The following SORL1 variants were observed in gnomAD, a reference collection of about 807,000 sequenced individuals.
SORL1 encodes the protein sortilin-related receptor.
Under a neutral mutation model 273.7 loss-of-function variants are expected in SORL1, and 127 were observed. That is an observed-to-expected ratio of 0.46 (90% CI 0.40 to 0.54). SORL1 has a LOEUF of 0.54. Ranked by LOEUF, SORL1 falls within the 20% of genes least tolerant of loss-of-function variation. SORL1 has a pLI of 0.00. For missense variants in SORL1, 2,494 were observed against 2,846.1 expected (o/e 0.88, Z 2.81); for synonymous variants, 1,031 against 1,067.4 (o/e 0.97, Z 0.66).
chr11:121,457,440 A>G (rs1401888026), intron 1 of SORL1, among the ~76,000 whole-genome samples: 1 of 152,222 alleles, frequency 6.6e-6, no homozygotes, highest in Non-Finnish European at 1.5e-5. Flanking sequence ...GAAACAGTCT[A>G]TGCATGTACA....
chr11:121,516,011 C>T (rs1219219305), intron 8 of SORL1, among the ~76,000 whole-genome samples: 1 of 152,194 alleles, frequency 6.6e-6, no homozygotes, highest in Non-Finnish European at 1.5e-5. Flanking sequence ...CTGATTTAAC[C>T]TTTCAATTTT....
rs762121343 is a variant in SORL1 at position 121,490,152 on chromosome 11, C to T, written c.758+42C>T. 84 of 1,387,294 alleles carry T rather than the reference C, an allele frequency of 6.1e-5. 1 individual carries two copies. The highest frequency in any genetic ancestry group is 7.5e-5 in the Non-Finnish European group (73 of 973,544). The allele number at this position is 1,387,294 out of a possible 1,614,324, so 85.9% of individuals were successfully genotyped here. On this transcript the variant is annotated intron_variant, in intron 5 of 47. Transcript: ENST00000260197. ...AAGAAATCTTGATATATGTAACCTCCTTTCTCCAGTTCTAGCTCCTTCTTG... is the reference window on the plus strand; with the variant it reads ...AAGAAATCTTGATATATGTAACCTCTTTTCTCCAGTTCTAGCTCCTTCTTG...
chr11:121,602,689 T>C (rs1031479634), intron 32 of SORL1, among the ~76,000 whole-genome samples: 1 of 152,182 alleles, frequency 6.6e-6, no homozygotes, highest in Non-Finnish European at 1.5e-5. Flanking sequence ...GTATGAAGCT[T>C]CCTTGCTCAG....
intron 8 of SORL1, 103 bp downstream of exon 8, chr11:121,514,424 C>G (rs1487695394): frequency 8.3e-7 from 1 of 1,199,428 alleles, no homozygotes; most frequent in Non-Finnish European, 1.1e-6. Context: ...TGTGGATACA[C>G]CCGGGGAGCT....
intron 14 of SORL1, among the ~76,000 whole-genome samples, chr11:121,546,104 A>G (rs748805235): frequency 3.9e-5 from 6 of 152,174 alleles, no homozygotes; most frequent in Admixed American, 1.3e-4. Flanking sequence ...TTTTGAGACC[A>G]TGTGTCTGCA....
Position 121,593,937 on chromosome 11 carries a change from G to A in SORL1, c.4370-1686G>A, listed in dbSNP as rs538665658. ...AAAATGCCTGAGAAAATGTATGTGG[G>A]AGGCCTGTGTGAGGTCTTGCTTGTC... On this transcript the variant is annotated intron_variant, in intron 31 of 47. Coordinates refer to ENST00000260197, the MANE Select transcript of SORL1 (RefSeq NM_003105.6). Among the ~76,000 whole-genome samples, 46 of 152,290 alleles carry A rather than the reference G, an allele frequency of 3.0e-4. 1 individual carries two copies. The South Asian group carries it at 8.3e-3, about 27-fold the overall frequency.
intron 3 of SORL1, among the ~76,000 whole-genome samples, chr11:121,481,454 C>T (rs1399815794): frequency 5.9e-5 from 7 of 119,012 alleles, no homozygotes; most frequent in East Asian, 4.9e-4. Context: ...TATAGGCAGG[C>T]TTCATCTCCT....
chr11:121,461,466 G>C (rs1861000000), intron 1 of SORL1, among the ~76,000 whole-genome samples: 1 of 152,338 alleles, frequency 6.6e-6, no homozygotes, highest in East Asian at 1.9e-4. Flanking sequence ...TCCTATTACT[G>C]AGAAATTGGC....
At position 121,625,198 on chromosome 11, in the gene SORL1, C is replaced by T; in HGVS notation, c.6285C>T (p.Phe2095=). 1.2e-6 allele frequency: 2 copies of T among 1,614,092 alleles called. No homozygotes were observed. Among genetic ancestry groups the T allele is most frequent in the Non-Finnish European group, 1.7e-6 (2 of 1,179,972 alleles). Residue 2095 remains phenylalanine (F), a synonymous_variant, in exon 46 of 48, where the codon TTC becomes TTT. Transcript: ENST00000260197. The part of the protein sequence containing the change: ...SNLKMGHNYT[F]TVQARCLFGN... ...TGAAGATGGGTCATAATTACACGTT[C>T]ACCGTCCAAGCAAGATGCCTTTTTG...
chr11:121,532,323 TA>T, intron 11 of SORL1, 140 bp from the exon 12 acceptor site: 2 of 693,574 alleles, frequency 2.9e-6, no homozygotes, highest in Non-Finnish European at 5.0e-6. Context: ...ATGTCTTCTG[TA>T]AACGGAAAAA....
At chr11:121,469,877 C>T (rs892098048) in intron 1 of SORL1, 130 bp from the exon 2 acceptor site, 1 of 734,790 alleles carries the variant, frequency 1.4e-6, no homozygotes, top group African/African-American at 1.7e-5. Flanking sequence ...AAGAGGCCAC[C>T]TTGGCCCAAA....
At position 121,627,508 on chromosome 11, in the gene SORL1, T is replaced by C; in HGVS notation, c.6365-47T>C. 1 of 1,530,080 alleles carries C rather than the reference T, an allele frequency of 6.5e-7. No individual in the cohort carries two copies. The highest frequency in any genetic ancestry group is 1.1e-5 in the South Asian group (1 of 89,176). 94.8% of individuals were successfully genotyped at this position (1,530,080 alleles called of 1,614,324 possible). ...GGCCTTGAGGAGTCATCTGGTCTGT[T>C]CTCCTGCCCTCAGGTGGGCTTATTG... On this transcript the variant is annotated intron_variant, in intron 46 of 47. Coordinates refer to ENST00000260197, the MANE Select transcript of SORL1 (RefSeq NM_003105.6). The surrounding 1 kb of genome is among the most constrained non-coding windows in gnomAD (Gnocchi z 4.9).
chr11:121,509,659 T>C (rs1861844999), intron 6 of SORL1, among the ~76,000 whole-genome samples: 1 of 152,104 alleles, frequency 6.6e-6, no homozygotes, highest in Non-Finnish European at 1.5e-5. Context: ...CTATTTTTAG[T>C]AGAGACGGGG....
At chr11:121,585,937 G>GGTTTTCAA (rs1863098461) in intron 26 of SORL1, among the ~76,000 whole-genome samples, 1 of 151,942 alleles carries the variant, frequency 6.6e-6, no homozygotes, top group Non-Finnish European at 1.5e-5. Context: ...ACTTGTGGGC[G>GGTTTTCAA]GTTTTCAACC....
chr11:121,612,886 A>G (rs1565354662), intron 40 of SORL1, 54 bp downstream of exon 40: 1 of 1,291,126 alleles, frequency 7.7e-7, no homozygotes, highest in East Asian at 2.4e-5. Flanking sequence ...GGCTGGACCA[A>G]TGCTTTCCCG....
intron 26 of SORL1, among the ~76,000 whole-genome samples, chr11:121,585,413 G>A (rs1863081258): frequency 6.6e-6 from 1 of 151,940 alleles, no homozygotes; most frequent in Non-Finnish European, 1.5e-5. Flanking sequence ...AGCACGGGAG[G>A]TGGAGGCTGC....
At chr11:121,490,475 C>T (rs925791024) in intron 5 of SORL1, among the ~76,000 whole-genome samples, 4 of 152,088 alleles carry the variant, frequency 2.6e-5, no homozygotes, top group Non-Finnish European at 5.9e-5. Context: ...TGCAGTGGCT[C>T]ACGCCTGTAA....
At chr11:121,543,444 C>T in intron 12 of SORL1, 104 bp from the exon 13 acceptor site, 1 of 892,920 alleles carries the variant, frequency 1.1e-6, no homozygotes, top group Non-Finnish European at 1.7e-6. Flanking sequence ...TCAGCCATTT[C>T]TCCAAGGAGC....
Position 121,452,364 on chromosome 11 carries a change from A to G in SORL1, c.33A>G (p.Arg11=), listed in dbSNP as rs1860812364. The G allele has an allele frequency of 5.8e-6, 9 of 1,552,536 alleles. No individual in the cohort carries two copies. Among genetic ancestry groups the G allele is most frequent in the Non-Finnish European group, 7.8e-6 (9 of 1,154,010 alleles). Residue 11 remains arginine, a synonymous_variant, in exon 1 of 48, where the codon CGA becomes CGG. Transcript: ENST00000260197. The surrounding 1 kb of genome is among the most constrained non-coding windows in gnomAD (Gnocchi z 5.3). The part of the protein sequence containing the change: MATRSSRRES[R]LPFLFTLVAL... ...CACGGAGCAGCAGGAGGGAGTCGCGACTCCCGTTCCTATTCACCCTGGTCG... is the reference window on the plus strand; with the variant it reads ...CACGGAGCAGCAGGAGGGAGTCGCGGCTCCCGTTCCTATTCACCCTGGTCG...
Sources: allele counts gnomAD v4.1 joint callset (sites outside exome capture counted in the v4.1 genomes callset), GRCh38; gene constraint gnomAD v4.1.1; non-coding constraint Gnocchi (gnomAD v3.1); transcripts MANE v1.5; gene names NCBI Gene and HGNC (gene_info 2026-07-23, HGNC 2026-07-21).